Variants in KRT8 observed in about 807,000 individuals in gnomAD.
KRT8 encodes the protein keratin, type II cytoskeletal 8.
Under a neutral mutation model 43.0 loss-of-function variants are expected in KRT8, and 24 were observed. The observed-to-expected ratio is 0.56, with a 90% CI of 0.40 to 0.78. The LOEUF is 0.78. Ranked by LOEUF, KRT8 falls within the 30% of genes least tolerant of loss-of-function variation. KRT8 has a pLI of 0.00. For synonymous variants in KRT8, 214 were observed against 261.2 expected (o/e 0.82, Z 1.74); for missense variants, 492 against 638.4 (o/e 0.77, Z 2.47).
Position 52,917,954 on chromosome 12 carries a change from GGAA to G in KRT8, c.-46-12930_-46-12928del, listed in dbSNP as rs1206893042. ...AAGGAGAAGAGGAAGAAGAGGAAGA[GGAA>G]GAAGAAGAAGAGGAAGAGGAAGAAG... is the stretch of plus-strand genomic sequence containing the variant. On this transcript the variant is annotated intron_variant, in intron 2 of 6. Transcript: ENST00000546826. Among the ~76,000 whole-genome samples, 262 of 138,510 alleles carry G rather than the reference GGAA, an allele frequency of 1.9e-3. 1 individual carries two copies. Among genetic ancestry groups the G allele is most frequent in the African/African-American group, 6.5e-3 (240 of 36,842 alleles). The allele number at this position is 138,510 out of a possible 152,430, so 90.9% of individuals were successfully genotyped here.
intron 7 of KRT8, 133 bp downstream of exon 7, chr12:52,898,328 C>T: frequency 2.7e-6 from 2 of 751,780 alleles, no homozygotes; most frequent in Non-Finnish European, 4.6e-6. Context: ...GCCTCCCCAC[C>T]CTAGGATTCT....
At chr12:52,944,559 C>G (rs1022990208) in intron 2 of KRT8, among the ~76,000 whole-genome samples, 23 of 152,198 alleles carry the variant, frequency 1.5e-4, no homozygotes, top group Non-Finnish European at 2.5e-4. Context: ...AGGACATAAG[C>G]ACAGGCAAGG....
rs57282588 is a variant in KRT8 at position 52,904,818 on chromosome 12, C to G, written c.164G>C (p.Gly55Ala). 58 of 1,612,300 alleles carry G rather than the reference C, an allele frequency of 3.6e-5. No homozygotes were observed. The Middle Eastern group carries it at 5.7e-4, about 16-fold the overall frequency. Residue 55 changes from glycine to alanine, a missense_variant, in exon 1 of 8, where the codon GGT becomes GCT. Around this residue, in one of 3 missense-constraint regions of KRT8, gnomAD observed 84 missense variants for 97.6 expected, o/e 0.86. Transcript: ENST00000692008. ...GATGCCTCCCATGCCGCTGGCCCCACCATAGCCGCCGCCCAGGCCACCGCG... is the reference window on the plus strand; with the variant it reads ...GATGCCTCCCATGCCGCTGGCCCCAGCATAGCCGCCGCCCAGGCCACCGCG...
chr12:52,899,517 G>C (rs752780133), intron 5 of KRT8, among the ~76,000 whole-genome samples: 2 of 152,072 alleles, frequency 1.3e-5, no homozygotes, highest in Non-Finnish European at 2.9e-5. Context: ...GATTAAAGCA[G>C]GCTTGGGAGC....
chr12:52,906,617 T>C (rs1200052091), upstream of KRT8: 1 of 443,966 alleles, frequency 2.3e-6, no homozygotes, highest in Non-Finnish European at 4.6e-6. Flanking sequence ...GAGGTTTAGG[T>C]CCCCAAGGCA....
At chr12:52,949,053 A>G (rs1382803725) in intron 2 of KRT8, 1 of 955,614 alleles carries the variant, frequency 1.0e-6, no homozygotes, top group African/African-American at 1.7e-5. Flanking sequence ...CGGCTTCCGA[A>G]GCGGCTCCGG....
chr12:52,901,199 T>G (rs1381788836), exon 3 of KRT8: 1 of 1,611,726 alleles, frequency 6.2e-7, no homozygotes, highest in African/African-American at 1.3e-5. Context: ...CTCTGTACGC[T>G]TATTGATCTC....
rs190049739 is a variant in KRT8, at chr12:52,938,649, G to A, written c.-47+10807C>T. Among the ~76,000 whole-genome samples the A allele has an allele frequency of 2.0e-5, 3 of 150,396 alleles. No individual in the cohort carries two copies. In the East Asian group the frequency reaches 5.9e-4, roughly 30 times the overall value. ...TTTTTTTTTTTTGAGACGGAGTCTC[G>A]CTCTGTCGCCGAGGCTGGAGTGCAG... On this transcript the variant is annotated intron_variant, in intron 2 of 6. Transcript: ENST00000546826.
intron 2 of KRT8, among the ~76,000 whole-genome samples, chr12:52,922,940 C>T (rs1380246551): frequency 6.6e-6 from 1 of 152,122 alleles, no homozygotes; most frequent in Non-Finnish European, 1.5e-5. Flanking sequence ...TCGGCCAACA[C>T]CTCTGATAAA....
At chr12:52,918,568 C>T (rs906619986) in intron 2 of KRT8, among the ~76,000 whole-genome samples, 4 of 152,192 alleles carry the variant, frequency 2.6e-5, no homozygotes, top group African/African-American at 9.7e-5. Context: ...GTGACCAAAA[C>T]CCAAAGGACA....
chr12:52,901,679 A>G (rs1421949742), intron 2 of KRT8, 185 bp downstream of exon 2: 2 of 625,142 alleles, frequency 3.2e-6, no homozygotes, highest in East Asian at 5.5e-5. Context: ...GGGTACTATC[A>G]ACAATTGTGC....
At chr12:52,900,107 C>T in intron 4 of KRT8, 42 bp from the exon 5 acceptor site, 1 of 1,598,918 alleles carries the variant, frequency 6.3e-7, no homozygotes, top group Non-Finnish European at 8.5e-7. Flanking sequence ...TGTCTCTGCA[C>T]ACAGGGAGCC....
At chr12:52,919,458 G>A (rs1001242779) in intron 2 of KRT8, among the ~76,000 whole-genome samples, 10 of 151,740 alleles carry the variant, frequency 6.6e-5, no homozygotes, top group African/African-American at 2.2e-4. Flanking sequence ...AGTAGAGACA[G>A]GGTTTCACCA....
intron 2 of KRT8, among the ~76,000 whole-genome samples, chr12:52,929,804 G>A (rs761997585): frequency 1.3e-5 from 2 of 151,798 alleles, no homozygotes; most frequent in African/African-American, 2.4e-5. Flanking sequence ...ACCTCTTCAG[G>A]CCAATTCCCA....
At chr12:52,938,167 TATA>T (rs1249477719) in intron 2 of KRT8, among the ~76,000 whole-genome samples, 234 of 40,562 alleles carry the variant, frequency 5.8e-3, no homozygotes, top group African/African-American at 0.027. Flanking sequence ...TATATATATA[TATA>T]TTTTTTTTTT....
intron 2 of KRT8, among the ~76,000 whole-genome samples, chr12:52,933,100 C>T (rs1272910229): frequency 1.3e-5 from 2 of 152,028 alleles, no homozygotes; most frequent in African/African-American, 2.4e-5. Context: ...CTCACCACCA[C>T]GCCCAGCTAA....
chr12:52,926,420 C>G (rs1941993587), intron 2 of KRT8: 1 of 1,529,272 alleles, frequency 6.5e-7, no homozygotes. Flanking sequence ...ACCCTTCCTG[C>G]AGGTCCTGGC....
intron 2 of KRT8, among the ~76,000 whole-genome samples, chr12:52,936,286 A>C (rs1166892698): frequency 2.0e-5 from 3 of 152,056 alleles, no homozygotes; most frequent in East Asian, 3.9e-4. Context: ...ATAAAAACAG[A>C]AAATCTTTGT....
chr12:52,941,432 C>G (rs12302939), intron 2 of KRT8, among the ~76,000 whole-genome samples: 48,823 of 148,146 alleles, frequency 0.33, 11,204 homozygotes, highest in African/African-American at 0.66. Context: ...GTTCTATCTG[C>G]GAAATCTTAC....
Sources: allele counts gnomAD v4.1 joint callset (sites outside exome capture counted in the v4.1 genomes callset), GRCh38; gene constraint gnomAD v4.1.1; regional missense constraint gnomAD v4.1.1; transcripts MANE v1.5; gene names NCBI Gene and HGNC (gene_info 2026-07-23, HGNC 2026-07-21).